FAF2: variants seen among roughly 807,000 people sequenced by gnomAD.
FAF2 encodes FAS-associated factor 2.
In FAF2, 9 loss-of-function variants were observed where a neutral mutation model predicts 62.3. The observed-to-expected ratio is 0.14, with a 90% confidence interval of 0.09 to 0.25. FAF2 has a LOEUF of 0.25. Among genes scored for constraint, FAF2 ranks in the 10% least tolerant of loss-of-function variants. The probability of loss-of-function intolerance (pLI) is 1.00; values close to 1 mark genes in which losing one functional copy is unlikely to be tolerated. For missense variants in FAF2, 368 were observed against 556.2 expected (o/e 0.66, Z 3.40); for synonymous variants, 202 against 198.0 (o/e 1.02, Z -0.17).
intron 7 of FAF2, among the ~76,000 whole-genome samples, chr5:176,495,464 T>C (rs1759043291): frequency 6.6e-6 from 1 of 151,804 alleles, no homozygotes; most frequent in Admixed American, 6.6e-5. Flanking sequence ...AAGGAAAACA[T>C]AGGTAAAACT....
intron 10 of FAF2, among the ~76,000 whole-genome samples, chr5:176,500,727 C>T (rs1755577821): frequency 6.6e-6 from 1 of 152,168 alleles, no homozygotes; most frequent in African/African-American, 2.4e-5. Flanking sequence ...TCAAGAGCCT[C>T]ACAGCATGAG....
chr5:176,475,007 T>C (rs528932286), intron 1 of FAF2, among the ~76,000 whole-genome samples: 6 of 152,336 alleles, frequency 3.9e-5, no homozygotes, highest in African/African-American at 1.4e-4. Flanking sequence ...CTTGTTCAGT[T>C]GGGTTTCCAG....
Position 176,486,318 on chromosome 5 carries a change from A to G in FAF2, c.133-37A>G, listed in dbSNP as rs989493530. The stretch of plus-strand genomic sequence containing the variant: ...CCTCTTGTTGTTGGTTGATTTGAGC[A>G]TCGCTGAAACTCTTGCCACTCCGTT... On this transcript the variant is annotated intron_variant, in intron 2 of 10. Transcript: ENST00000261942. 1.9e-6 allele frequency: 3 copies of G among 1,608,278 alleles called. No individual in the cohort carries two copies. In the African/African-American group the frequency reaches 4.0e-5, roughly 22 times the overall value.
At position 176,509,847 on chromosome 5, in the gene FAF2, T is replaced by C. The variant is rs1228640484; in HGVS notation, c.*2897T>C. The C allele has an allele frequency of 6.6e-6, 1 of 152,668 alleles. No individual in the cohort carries two copies. The highest frequency in any genetic ancestry group is 6.5e-5 in the Admixed American group (1 of 15,280). The allele number at this position is 152,668 out of a possible 1,614,324, so 9.5% of individuals were successfully genotyped here. A position where few individuals can be genotyped will look rare whatever the true frequency, so the allele number is the denominator to read the frequency against. Reference sequence around the variant, plus strand: ...CAGAATGCAAAATCAGGGGCATCATTATCCGGTGCTTGAACAAGGAGCTCC... The same window carrying C: ...CAGAATGCAAAATCAGGGGCATCATCATCCGGTGCTTGAACAAGGAGCTCC... On this transcript the variant is annotated 3_prime_UTR_variant, in exon 11 of 11. Coordinates refer to ENST00000261942, the MANE Select transcript of FAF2 (RefSeq NM_014613.3).
intron 1 of FAF2, among the ~76,000 whole-genome samples, chr5:176,460,473 C>T (rs1757094012): frequency 6.8e-6 from 1 of 146,244 alleles, no homozygotes; most frequent in African/African-American, 2.5e-5. Context: ...TTTTGATTTG[C>T]ATTTCTCTAA....
chr5:176,475,723 G>GT (rs1227222445), intron 1 of FAF2, among the ~76,000 whole-genome samples: 1 of 151,820 alleles, frequency 6.6e-6, no homozygotes, highest in Non-Finnish European at 1.5e-5. Flanking sequence ...AGCCGAGACC[G>GT]TGCCATTGCA....
intron 1 of FAF2, among the ~76,000 whole-genome samples, chr5:176,451,352 C>G (rs919988424): frequency 6.6e-5 from 10 of 152,056 alleles, no homozygotes; most frequent in African/African-American, 2.4e-4. Flanking sequence ...GCCTGGGCAA[C>G]AGAGCGGGAC....
chr5:176,478,215 A>AC (rs1758735285), intron 1 of FAF2, among the ~76,000 whole-genome samples: 2 of 152,190 alleles, frequency 1.3e-5, no homozygotes, highest in African/African-American at 4.8e-5. Flanking sequence ...AGTGGCTCAC[A>AC]CCTATAATCC....
Position 176,458,167 on chromosome 5 carries a change from C to T in FAF2, c.63+9697C>T, listed in dbSNP as rs557248260. Among the ~76,000 whole-genome samples the T allele has an allele frequency of 1.4e-4, 21 of 152,280 alleles. 1 individual carries two copies. In the East Asian group the frequency reaches 2.3e-3, roughly 17 times the overall value. ...TACAGTCTTGGCTCACTGCAGCCTC[C>T]GCCTGCTGGACTCAAGCCATCTTTC... On this transcript the variant is annotated intron_variant, in intron 1 of 10. Coordinates refer to ENST00000261942, the MANE Select transcript of FAF2 (RefSeq NM_014613.3).
At chr5:176,483,003 TAC>T (rs1159924241) in intron 2 of FAF2, among the ~76,000 whole-genome samples, 1 of 152,160 alleles carries the variant, frequency 6.6e-6, no homozygotes, top group Non-Finnish European at 1.5e-5. Flanking sequence ...GTGCTGGGAT[TAC>T]AGGTGTGAGC....
chr5:176,494,093 A>G lies in FAF2; in HGVS notation c.569+9A>G, dbSNP rs755368113. 6.2e-7 allele frequency: 1 copy of G among 1,613,152 alleles called. No individual in the cohort carries two copies. Among genetic ancestry groups the G allele is most frequent in the African/African-American group, 1.3e-5 (1 of 74,986 alleles). On this transcript the variant is annotated intron_variant, in intron 6 of 10. Transcript: ENST00000261942. This position sits in a 1 kb window ranked among gnomAD's most constrained non-coding sequence, Gnocchi z 4.0. Reference sequence around the variant, plus strand: ...TCTGATGAGTTTTGTCGGTAAGTGGATTGATTATTTTCCTTCTCTTTTCTG... The same window carrying G: ...TCTGATGAGTTTTGTCGGTAAGTGGGTTGATTATTTTCCTTCTCTTTTCTG...
intron 1 of FAF2, among the ~76,000 whole-genome samples, chr5:176,454,653 G>T (rs1037515955): frequency 7.0e-6 from 1 of 143,368 alleles, no homozygotes; most frequent in Non-Finnish European, 1.5e-5. Context: ...ACATACAATT[G>T]TATTTTAAAA....
At chr5:176,467,977 C>T (rs749401958) in intron 1 of FAF2, among the ~76,000 whole-genome samples, 3 of 151,814 alleles carry the variant, frequency 2.0e-5, no homozygotes, top group Non-Finnish European at 4.4e-5. Context: ...CTAGCCTGGC[C>T]AACATGGTGA....
At chr5:176,505,405 G>A (rs969976793) in intron 10 of FAF2, among the ~76,000 whole-genome samples, 2 of 152,214 alleles carry the variant, frequency 1.3e-5, no homozygotes, top group Non-Finnish European at 2.9e-5. Flanking sequence ...AGCCAGAGCA[G>A]GGTAAGGAGG....
chr5:176,466,460 CG>C (rs1758470629), intron 1 of FAF2, among the ~76,000 whole-genome samples: 1 of 152,256 alleles, frequency 6.6e-6, no homozygotes, highest in African/African-American at 2.4e-5. Flanking sequence ...ACACCAACCC[CG>C]TGCAGCGTTT....
At chr5:176,468,126 C>T (rs1222281253) in intron 1 of FAF2, among the ~76,000 whole-genome samples, 1 of 152,096 alleles carries the variant, frequency 6.6e-6, no homozygotes, top group Non-Finnish European at 1.5e-5. Context: ...AATCTTGCCA[C>T]TACACTCCAG....
At chr5:176,479,800 G>A (rs1581066247) in intron 2 of FAF2, among the ~76,000 whole-genome samples, 1 of 151,888 alleles carries the variant, frequency 6.6e-6, no homozygotes, top group Admixed American at 6.6e-5. Flanking sequence ...AAGTTCAAGC[G>A]ATTCTCCTAC....
intron 10 of FAF2, among the ~76,000 whole-genome samples, chr5:176,501,114 C>T (rs564711902): frequency 2.7e-5 from 4 of 150,440 alleles, no homozygotes; most frequent in African/African-American, 9.7e-5. Flanking sequence ...GCAACAGAGA[C>T]CCTGTAAAAA....
chr5:176,486,211 G>A, intron 2 of FAF2, 144 bp from the exon 3 acceptor site: 1 of 909,912 alleles, frequency 1.1e-6, no homozygotes, highest in South Asian at 1.8e-5. Flanking sequence ...CGGTTAACAG[G>A]CCCATGAAGG....
Sources: gnomAD v4.1 joint callset for allele counts (sites outside exome capture counted in the v4.1 genomes callset) on GRCh38, gnomAD v4.1.1 for gene constraint, Gnocchi (gnomAD v3.1) non-coding constraint, MANE v1.5 for transcripts, NCBI Gene and HGNC (gene_info 2026-07-23, HGNC 2026-07-21) for gene names.